Variants in BMP7 observed in about 807,000 individuals in gnomAD.
BMP7 encodes the protein osteogenic protein 1.
A neutral mutation model predicts 41.2 loss-of-function variants in BMP7; 12 were observed. The observed-to-expected ratio is 0.29, with a 90% CI of 0.19 to 0.47. BMP7 has a LOEUF of 0.47. Ranked by LOEUF, BMP7 falls within the 20% of genes least tolerant of loss-of-function variation. The probability of loss-of-function intolerance (pLI) is 0.99; values close to 1 mark genes in which losing one functional copy is unlikely to be tolerated. For synonymous variants in BMP7, 248 were observed against 250.0 expected, an observed-to-expected ratio of 0.99 and a Z score of 0.07; for missense variants, 467 against 606.0, an observed-to-expected ratio of 0.77 and a Z score of 2.41.
intron 1 of BMP7, among the ~76,000 whole-genome samples, chr20:57,230,149 G>A (rs995411465): frequency 5.3e-5 from 8 of 152,112 alleles, no homozygotes; most frequent in Non-Finnish European, 1.2e-4. Context: ...ACCGTTCCGG[G>A]GTCCTTCCAG....
intron 1 of BMP7, among the ~76,000 whole-genome samples, chr20:57,252,455 A>G (rs76227336): frequency 3.7e-3 from 565 of 152,340 alleles, no homozygotes; most frequent in Admixed American, 6.2e-3. Flanking sequence ...AGAGGGGAAC[A>G]AGGTAAGAGA....
At position 57,212,352 on chromosome 20, in the gene BMP7, C is replaced by T. The variant is rs1984911585; in HGVS notation, c.612-9729G>A. ...AGGAGAGGGCACAGGTGCACGATGTCCCCTGCAGGGCCTCTGGCCGCGGGA... is the reference window on the plus strand; with the variant it reads ...AGGAGAGGGCACAGGTGCACGATGTTCCCTGCAGGGCCTCTGGCCGCGGGA... On this transcript the variant is annotated intron_variant, in intron 2 of 6. Coordinates refer to ENST00000395863, the MANE Select transcript of BMP7 (RefSeq NM_001719.3). 2.6e-5 allele frequency among the ~76,000 whole-genome samples: 4 copies of T among 152,210 alleles called. No individual in the cohort carries two copies. The South Asian group carries it at 8.3e-4, about 32-fold the overall frequency.
rs1983818956 is a variant in BMP7, at chr20:57,171,633, A to G, written c.1147-525T>C. Among the ~76,000 whole-genome samples the G allele has an allele frequency of 6.6e-6, 1 of 152,202 alleles. No homozygotes were observed. Among genetic ancestry groups the G allele is most frequent in the African/African-American group, 2.4e-5 (1 of 41,450 alleles). ...AGGGAAGAGGCCGCCACTCAACCTA[A>G]GCTGACGGCAGCCAACCAAGATCAG... On this transcript the variant is annotated intron_variant, in intron 6 of 6. Coordinates refer to ENST00000395863, the MANE Select transcript of BMP7 (RefSeq NM_001719.3). This position sits in a 1 kb window ranked among gnomAD's most constrained non-coding sequence, Gnocchi z 4.5.
intron 1 of BMP7, among the ~76,000 whole-genome samples, chr20:57,233,306 TC>T (rs2066035837): frequency 1.3e-5 from 2 of 151,968 alleles, no homozygotes; most frequent in African/African-American, 4.8e-5. Flanking sequence ...ACTTTCATCT[TC>T]AAAAAATTAA....
rs1387884559 is a variant in BMP7 at position 57,228,280 on chromosome 20, T to C, written c.560A>G (p.Asn187Ser). 2 of 1,614,116 alleles carry C rather than the reference T, an allele frequency of 1.2e-6. No individual in the cohort carries two copies. Among genetic ancestry groups the C allele is most frequent in the South Asian group, 2.2e-5 (2 of 91,068 alleles). Residue 187 changes from asparagine (N) to serine (S), a missense_variant, in exon 2 of 7, where the codon AAT (asparagine) becomes AGT (serine). Transcript: ENST00000395863. The surrounding 1 kb of genome is among the most constrained non-coding windows in gnomAD (Gnocchi z 4.5). ...YKDYIRERFD[N>S]ETFRISVYQV... ...ATAAACGCTGATCCGGAACGTCTCA[T>C]TGTCGAAGCGTTCCCGGATGTAGTC...
Position 57,180,172 on chromosome 20 carries a change from C to T in BMP7, c.958+3550G>A, listed in dbSNP as rs1222593605. On this transcript the variant is annotated intron_variant, in intron 4 of 6. Coordinates refer to ENST00000395863, the MANE Select transcript of BMP7 (RefSeq NM_001719.3). ...CCTTTCTTAGAGCAGCCAGAATGAT[C>T]TTATCACCTGCACCCCACACCACAG... Among the ~76,000 whole-genome samples, 4 of 152,154 alleles carry T rather than the reference C, an allele frequency of 2.6e-5. 1 individual carries two copies. The South Asian group carries it at 8.3e-4, about 32-fold the overall frequency.
rs1339193346 is a variant in BMP7, at chr20:57,174,729, T to G, written c.1035+202A>C. 6.6e-6 allele frequency among the ~76,000 whole-genome samples: 1 copy of G among 152,208 alleles called. No homozygotes were observed. The highest frequency in any genetic ancestry group is 1.5e-5 in the Non-Finnish European group (1 of 68,038). Reference sequence around the variant, plus strand: ...AAGTGTTTGGGTTCCTGGTTCAAGTTCAAGTCTCAACCACATTTCTGCTCT... The same window carrying G: ...AAGTGTTTGGGTTCCTGGTTCAAGTGCAAGTCTCAACCACATTTCTGCTCT... On this transcript the variant is annotated intron_variant, in intron 5 of 6. Coordinates refer to ENST00000395863, the MANE Select transcript of BMP7 (RefSeq NM_001719.3). This position sits in a 1 kb window ranked among gnomAD's most constrained non-coding sequence, Gnocchi z 4.3.
chr20:57,219,078 G>A lies in BMP7; in HGVS notation c.611+9151C>T, dbSNP rs1232252918. Among the ~76,000 whole-genome samples the A allele has an allele frequency of 1.3e-4, 16 of 124,242 alleles. 3 individuals carry two copies. Among genetic ancestry groups the A allele is most frequent in the African/African-American group, 8.4e-4 (14 of 16,668 alleles). 81.5% of individuals were successfully genotyped at this position (124,242 alleles called of 152,430 possible). ...TGGCATTTGTTTGGTGGTAGCTGGCGTTTGTTCAGTGGTAGCTGGTGTTTG... is the reference window on the plus strand; with the variant it reads ...TGGCATTTGTTTGGTGGTAGCTGGCATTTGTTCAGTGGTAGCTGGTGTTTG... On this transcript the variant is annotated intron_variant, in intron 2 of 6. Transcript: ENST00000395863.
chr20:57,220,192 A>AG (rs935841884), intron 2 of BMP7, among the ~76,000 whole-genome samples: 6 of 152,238 alleles, frequency 3.9e-5, no homozygotes, highest in African/African-American at 1.4e-4. Flanking sequence ...AGGAAGACAA[A>AG]GGAAGAAGCA....
chr20:57,211,372 C>A (rs546235949), intron 2 of BMP7, among the ~76,000 whole-genome samples: 1 of 152,292 alleles, frequency 6.6e-6, no homozygotes, highest in East Asian at 1.9e-4. Context: ...GAGCCCCACC[C>A]AAGTTAGAGG....
intron 1 of BMP7, among the ~76,000 whole-genome samples, chr20:57,233,823 C>T (rs1055875545): frequency 6.6e-5 from 10 of 152,204 alleles, no homozygotes; most frequent in Admixed American, 5.9e-4. Context: ...TATTCAGAGC[C>T]GTGGGACAGT....
At chr20:57,206,106 G>A (rs745359137) in intron 2 of BMP7, among the ~76,000 whole-genome samples, 4 of 152,198 alleles carry the variant, frequency 2.6e-5, no homozygotes, top group African/African-American at 4.8e-5. Flanking sequence ...CTTGAGCATC[G>A]TAAAAGAACA....
intron 3 of BMP7, among the ~76,000 whole-genome samples, chr20:57,192,377 G>A (rs893191943): frequency 8.2e-5 from 12 of 147,156 alleles, no homozygotes; most frequent in African/African-American, 2.0e-4. Flanking sequence ...ACATACTAAC[G>A]TAGGTGCTCG....
chr20:57,201,424 T>C (rs1056786425), intron 3 of BMP7, among the ~76,000 whole-genome samples: 8 of 151,928 alleles, frequency 5.3e-5, no homozygotes, highest in African/African-American at 1.9e-4. Context: ...GAACACTGTA[T>C]ATGCCAGGCC....
chr20:57,241,487 A>G (rs2066069522), intron 1 of BMP7, among the ~76,000 whole-genome samples: 1 of 152,188 alleles, frequency 6.6e-6, no homozygotes, highest in Non-Finnish European at 1.5e-5. Context: ...CCTGCCTGGC[A>G]AAGGGCACAC....
chr20:57,240,941 G>T (rs2066066448), intron 1 of BMP7, among the ~76,000 whole-genome samples: 1 of 152,190 alleles, frequency 6.6e-6, no homozygotes, highest in Non-Finnish European at 1.5e-5. Context: ...TGACCATCCT[G>T]ATGGCTGTGA....
chr20:57,228,362 G>A lies in BMP7; in HGVS notation c.478C>T (p.Leu160Phe), dbSNP rs202227032. 98 of 1,614,042 alleles carry A rather than the reference G, an allele frequency of 6.1e-5. No individual in the cohort carries two copies. The highest frequency in any genetic ancestry group is 8.1e-5 in the Non-Finnish European group (96 of 1,180,022). ...RYHHREFRFD[L>F]SKIPEGEAVT... ...GCTTCCCCTTCTGGGATCTTGGAAA[G>A]ATCAAACCGGAACTCTCGATGGTGG... Residue 160 changes from leucine (L) to phenylalanine (F), a missense_variant, in exon 2 of 7, where the codon CTT becomes TTT. Physicochemically the swap from Leu to Phe is conservative, Grantham distance 22. Coordinates refer to ENST00000395863, the MANE Select transcript of BMP7 (RefSeq NM_001719.3). This position sits in a 1 kb window ranked among gnomAD's most constrained non-coding sequence, Gnocchi z 4.5.
intron 1 of BMP7, among the ~76,000 whole-genome samples, chr20:57,250,680 T>C (rs760397973): frequency 1.3e-5 from 2 of 152,162 alleles, no homozygotes; most frequent in African/African-American, 2.4e-5. Context: ...GAAAGTTTTA[T>C]TGATGTGCTT....
chr20:57,217,138 T>A (rs1985050662), intron 2 of BMP7, among the ~76,000 whole-genome samples: 1 of 152,066 alleles, frequency 6.6e-6, no homozygotes, highest in South Asian at 2.1e-4. Context: ...AGGCTCCTGG[T>A]TCCAGCTCTC....
Sources: gnomAD v4.1 joint callset for allele counts (sites outside exome capture counted in the v4.1 genomes callset) on GRCh38, gnomAD v4.1.1 for gene constraint, Gnocchi (gnomAD v3.1) non-coding constraint, MANE v1.5 for transcripts, NCBI Gene and HGNC (gene_info 2026-07-23, HGNC 2026-07-21) for gene names.